Variants in EPHA6 observed in about 807,000 individuals in gnomAD.
The protein encoded by EPHA6 is EPH receptor A6, also known as ephrin type-A receptor 6.
EPHA6 carries 50 observed loss-of-function variants against 112.0 expected under a neutral mutation model. The observed-to-expected ratio is 0.45, with a 90% CI of 0.36 to 0.56. The LOEUF (loss-of-function observed/expected upper bound fraction) is 0.56. EPHA6 is among the 20% of genes least tolerant of loss of function. The pLI is 0.00. For synonymous variants in EPHA6, 529 were observed against 490.7 expected (o/e 1.08, Z -1.03); for missense variants, 1,280 against 1,417.4 (o/e 0.90, Z 1.56).
chr3:97,062,742 C>T (rs1297099740), intron 3 of EPHA6, among the ~76,000 whole-genome samples: 1 of 152,164 alleles, frequency 6.6e-6, no homozygotes, highest in Non-Finnish European at 1.5e-5. Flanking sequence ...TGCCTGTCAC[C>T]ATGTAAGGTG....
At position 97,262,143 on chromosome 3, in the gene EPHA6, G is replaced by C. The variant is rs185766877; in HGVS notation, c.1606+17856G>C. On this transcript the variant is annotated intron_variant, in intron 5 of 17. Coordinates refer to ENST00000389672, the MANE Select transcript of EPHA6 (RefSeq NM_001080448.3). ...TTTTAACAGACTCTTTAGAAAATACGATGAGCCATCACAGTAAATTTATGG... is the reference window on the plus strand; with the variant it reads ...TTTTAACAGACTCTTTAGAAAATACCATGAGCCATCACAGTAAATTTATGG... 1.1e-4 allele frequency among the ~76,000 whole-genome samples: 17 copies of C among 152,192 alleles called. No homozygotes were observed. In the South Asian group the frequency reaches 3.5e-3, roughly 32 times the overall value.
chr3:97,404,414 A>G (rs1249555666), intron 5 of EPHA6, among the ~76,000 whole-genome samples: 6 of 152,254 alleles, frequency 3.9e-5, no homozygotes, highest in Admixed American at 1.3e-4. Context: ...GTTGACTTTT[A>G]TGTCAAAAAC....
At chr3:97,388,067 T>C (rs2109048067) in intron 5 of EPHA6, among the ~76,000 whole-genome samples, 1 of 152,278 alleles carries the variant, frequency 6.6e-6, no homozygotes, top group South Asian at 2.1e-4. Flanking sequence ...CATGATTCAA[T>C]CACTTCCTAC....
chr3:97,012,495 T>C (rs1258042178), intron 3 of EPHA6, among the ~76,000 whole-genome samples: 1 of 149,436 alleles, frequency 6.7e-6, no homozygotes, highest in Non-Finnish European at 1.5e-5. Flanking sequence ...ACTAATTATG[T>C]ATATTCATAT....
At chr3:97,198,349 C>G (rs1056487942) in intron 3 of EPHA6, among the ~76,000 whole-genome samples, 2 of 152,198 alleles carry the variant, frequency 1.3e-5, no homozygotes, top group African/African-American at 4.8e-5. Flanking sequence ...CTGAATCCTC[C>G]CGGTGCTGTT....
At chr3:97,230,671 T>C (rs373736549) in intron 4 of EPHA6, among the ~76,000 whole-genome samples, 133 of 152,266 alleles carry the variant, frequency 8.7e-4, no homozygotes, top group African/African-American at 2.8e-3. Flanking sequence ...CAAACAGTAA[T>C]TTACTAACAT....
At chr3:97,654,059 A>G (rs1317863043) in intron 14 of EPHA6, among the ~76,000 whole-genome samples, 1 of 151,902 alleles carries the variant, frequency 6.6e-6, no homozygotes, top group East Asian at 1.9e-4. Flanking sequence ...GAGCTAATAC[A>G]CAATACTAAA....
At chr3:96,816,985 G>C (rs1039927737) in intron 1 of EPHA6, among the ~76,000 whole-genome samples, 6 of 151,920 alleles carry the variant, frequency 3.9e-5, no homozygotes, top group Non-Finnish European at 7.4e-5. Context: ...TAAACTTAGT[G>C]AATGAGTATT....
chr3:96,859,383 A>ATTT lies in EPHA6; in HGVS notation c.386-7428_386-7426dup, dbSNP rs58615285. On this transcript the variant is annotated intron_variant, in intron 1 of 17. Coordinates refer to ENST00000389672, the MANE Select transcript of EPHA6 (RefSeq NM_001080448.3). ...AAGTGTTTACCTCTGATAATGGTTA[A>ATTT]TTTTTTTTTTTTTTTTGAGACAGGG... 2.3e-3 allele frequency among the ~76,000 whole-genome samples: 322 copies of ATTT among 140,950 alleles called. 2 individuals carry two copies. The highest frequency in any genetic ancestry group is 7.6e-3 in the African/African-American group (292 of 38,310). 92.5% of individuals were successfully genotyped at this position (140,950 alleles called of 152,430 possible).
At chr3:97,223,864 A>G (rs1202897430) in intron 3 of EPHA6, among the ~76,000 whole-genome samples, 5 of 152,186 alleles carry the variant, frequency 3.3e-5, no homozygotes, top group Admixed American at 6.5e-5. Flanking sequence ...ATGGTCGGAA[A>G]TTATAAAAAA....
chr3:97,644,193 A>G (rs1195660485), intron 14 of EPHA6, among the ~76,000 whole-genome samples: 8 of 151,988 alleles, frequency 5.3e-5, no homozygotes, highest in Non-Finnish European at 1.5e-5. Context: ...TGACTACTGG[A>G]TACATAACGA....
At chr3:96,913,862 A>G (rs553252807) in intron 2 of EPHA6, among the ~76,000 whole-genome samples, 2 of 152,308 alleles carry the variant, frequency 1.3e-5, no homozygotes, top group East Asian at 1.9e-4. Flanking sequence ...TTCTGAATGC[A>G]TTTAAAAAAC....
chr3:96,987,796 G>T lies in EPHA6; in HGVS notation c.917G>T (p.Arg306Leu). ...VFYKKCPFTV[R>L]NLAMFPDTIP... ...TACAAGAAATGCCCCTTCACTGTTC[G>T]TAACTTGGCCATGTTTCCTGATACC... Residue 306 changes from arginine to leucine, a missense_variant, in exon 3 of 18, where the codon CGT becomes CTT. Transcript: ENST00000389672. 3.1e-6 allele frequency: 5 copies of T among 1,613,938 alleles called. No individual in the cohort carries two copies. The highest frequency in any genetic ancestry group is 3.4e-6 in the Non-Finnish European group (4 of 1,179,886).
At chr3:97,460,111 C>T (rs1196488069) in intron 7 of EPHA6, among the ~76,000 whole-genome samples, 2 of 152,206 alleles carry the variant, frequency 1.3e-5, no homozygotes, top group Non-Finnish European at 2.9e-5. Context: ...CATGCAAAGG[C>T]ATTTGTCTCA....
At chr3:97,650,561 A>G (rs2107606529) in intron 14 of EPHA6, among the ~76,000 whole-genome samples, 1 of 152,096 alleles carries the variant, frequency 6.6e-6, no homozygotes, top group African/African-American at 2.4e-5. Flanking sequence ...TTGAAAATAG[A>G]TCCATCTGGC....
chr3:97,503,761 T>G lies in EPHA6; in HGVS notation c.2200+19702T>G, dbSNP rs574707339. The stretch of plus-strand genomic sequence containing the variant: ...CCAAATTCTCATTTTATGTTAAGTA[T>G]GAATTTTAAAACATGTCCTTTTAGG... On this transcript the variant is annotated intron_variant, in intron 10 of 17. Transcript: ENST00000389672. Among the ~76,000 whole-genome samples the G allele has an allele frequency of 5.3e-5, 8 of 152,360 alleles. No individual in the cohort carries two copies. The South Asian group carries it at 1.2e-3, about 24-fold the overall frequency.
At chr3:97,060,923 CAAAAAAAAAAA>C (rs71623565) in intron 3 of EPHA6, among the ~76,000 whole-genome samples, 17 of 21,244 alleles carry the variant, frequency 8.0e-4, no homozygotes, top group South Asian at 2.3e-3. Flanking sequence ...GACTCCGTCT[CAAAAAAAAAAA>C]AAAAAAAAAA....
intron 1 of EPHA6, among the ~76,000 whole-genome samples, chr3:96,856,592 T>C (rs914531680): frequency 6.6e-6 from 1 of 152,192 alleles, no homozygotes; most frequent in Non-Finnish European, 1.5e-5. Flanking sequence ...GTGTTATAGT[T>C]GGCAATACCT....
chr3:97,305,703 A>G (rs772505776), intron 5 of EPHA6, among the ~76,000 whole-genome samples: 4 of 151,816 alleles, frequency 2.6e-5, no homozygotes, highest in Non-Finnish European at 4.4e-5. Context: ...AACAACACAC[A>G]CTGGGCCTGT....
Sources: allele counts gnomAD v4.1 joint callset (sites outside exome capture counted in the v4.1 genomes callset), GRCh38; gene constraint gnomAD v4.1.1; transcripts MANE v1.5; gene names NCBI Gene and HGNC (gene_info 2026-07-23, HGNC 2026-07-21).